PBRM1: variants seen among roughly 807,000 people sequenced by gnomAD.
The protein encoded by PBRM1 is polybromo 1.
In PBRM1, 27 loss-of-function variants were observed where a neutral mutation model predicts 194.5. The ratio of observed to expected loss-of-function variants is 0.14; its 90% CI spans 0.10 to 0.19. The LOEUF (loss-of-function observed/expected upper bound fraction) is 0.19, where lower values mean the gene tolerates loss of function less well. PBRM1 is among the 10% of genes least tolerant of loss of function. The pLI is 1.00. For synonymous variants in PBRM1, 655 were observed against 693.2 expected (o/e 0.94, Z 0.87); for missense variants, 1,466 against 2,077.2 (o/e 0.71, Z 5.72).
At chr3:52,550,843 G>A (rs1204968087) in intron 27 of PBRM1, 26 bp from the exon 30 acceptor site, 1 of 1,484,600 alleles carries the variant, frequency 6.7e-7, no homozygotes, top group South Asian at 1.1e-5. Context: ...CAATGGCACA[G>A]TTAGAGGCTC....
chr3:52,565,372 G>A (rs1371847398), intron 22 of PBRM1, among the ~76,000 whole-genome samples: 2 of 151,906 alleles, frequency 1.3e-5, no homozygotes, highest in East Asian at 3.9e-4. Flanking sequence ...GCTGGGCTTG[G>A]TGGTGCGCTC....
chr3:52,645,901 A>T (rs1312765037), intron 7 of PBRM1, among the ~76,000 whole-genome samples: 1 of 152,240 alleles, frequency 6.6e-6, no homozygotes, highest in African/African-American at 2.4e-5. Flanking sequence ...ATACGAAAGC[A>T]AAACCGCAGA....
At chr3:52,576,501 T>A in intron 22 of PBRM1, 40 bp downstream of exon 24, 1 of 1,521,704 alleles carries the variant, frequency 6.6e-7, no homozygotes, top group Admixed American at 2.0e-5. Flanking sequence ...TCAATTTTGA[T>A]GGAATAAACA....
chr3:52,639,307 T>G (rs1009254614), intron 10 of PBRM1, among the ~76,000 whole-genome samples: 1 of 152,174 alleles, frequency 6.6e-6, no homozygotes, highest in Non-Finnish European at 1.5e-5. Flanking sequence ...AAACTCTGTA[T>G]GCTCTCCTCC....
chr3:52,606,367 G>C (rs1576598524), intron 16 of PBRM1, among the ~76,000 whole-genome samples: 1 of 152,146 alleles, frequency 6.6e-6, no homozygotes, highest in South Asian at 2.1e-4. Context: ...CTGTTCACTT[G>C]AAATTAAAGT....
chr3:52,665,072 G>A (rs1428712188), intron 3 of PBRM1, among the ~76,000 whole-genome samples: 1 of 152,122 alleles, frequency 6.6e-6, no homozygotes, highest in African/African-American at 2.4e-5. Flanking sequence ...AATCATACTG[G>A]CGGATGACTT....
intron 6 of PBRM1, among the ~76,000 whole-genome samples, chr3:52,650,712 G>A (rs1006368057): frequency 1.3e-5 from 2 of 152,110 alleles, no homozygotes; most frequent in African/African-American, 4.8e-5. Flanking sequence ...CAACCTCTAT[G>A]ACTCTGCAAA....
At chr3:52,620,237 A>C (rs552868998) in intron 13 of PBRM1, among the ~76,000 whole-genome samples, 1 of 152,340 alleles carries the variant, frequency 6.6e-6, no homozygotes, top group South Asian at 2.1e-4. Flanking sequence ...TTTAACCTTC[A>C]GGAAGTCTCT....
At chr3:52,646,205 G>T (rs939089978) in intron 7 of PBRM1, among the ~76,000 whole-genome samples, 49 of 152,136 alleles carry the variant, frequency 3.2e-4, no homozygotes, top group Non-Finnish European at 5.4e-4. Flanking sequence ...TTTCTTAAAA[G>T]ATGAAAAATA....
chr3:52,661,756 G>T (rs537233143), intron 4 of PBRM1, among the ~76,000 whole-genome samples: 9 of 152,294 alleles, frequency 5.9e-5, no homozygotes, highest in African/African-American at 2.2e-4. Context: ...CTAACCTACA[G>T]AAATATTCCT....
At chr3:52,683,053 A>T (rs2097235779), upstream of PBRM1, among the ~76,000 whole-genome samples, 1 of 151,718 alleles carries the variant, frequency 6.6e-6, no homozygotes, top group South Asian at 2.1e-4. Flanking sequence ...TACAAAAAAA[A>T]TTGGCTGGGC....
At chr3:52,557,308 T>C (rs146927757) in intron 26 of PBRM1, among the ~76,000 whole-genome samples, 3 of 152,346 alleles carry the variant, frequency 2.0e-5, no homozygotes, top group African/African-American at 4.8e-5. Flanking sequence ...AAAGTTATCC[T>C]ATGCTACTCT....
chr3:52,563,237 A>G (rs2084132927), intron 24 of PBRM1, 46 bp downstream of exon 26: 2 of 1,497,870 alleles, frequency 1.3e-6, no homozygotes, highest in Non-Finnish European at 1.8e-6. Context: ...TCTGCTGCAA[A>G]CCAAAGGTGG....
At chr3:52,572,445 G>A (rs1439489145) in intron 22 of PBRM1, among the ~76,000 whole-genome samples, 6 of 152,014 alleles carry the variant, frequency 3.9e-5, no homozygotes, top group Non-Finnish European at 8.8e-5. Flanking sequence ...TGATCTCAGC[G>A]CACTGCAACC....
chr3:52,632,591 T>C (rs1343392075), intron 11 of PBRM1, among the ~76,000 whole-genome samples: 1 of 151,790 alleles, frequency 6.6e-6, no homozygotes, highest in Non-Finnish European at 1.5e-5. Context: ...AATTTGATAT[T>C]GGGAGGTATG....
intron 5 of PBRM1, among the ~76,000 whole-genome samples, chr3:52,655,449 T>C (rs1404335686): frequency 6.6e-6 from 1 of 152,200 alleles, no homozygotes; most frequent in African/African-American, 2.4e-5. Flanking sequence ...TATGTATATG[T>C]CACATATACA....
chr3:52,667,607 G>A (rs2096865413), intron 3 of PBRM1, among the ~76,000 whole-genome samples: 2 of 151,822 alleles, frequency 1.3e-5, no homozygotes, highest in South Asian at 4.2e-4. Context: ...ACAAAAATTA[G>A]CCAGGCATGG....
intron 29 of PBRM1, among the ~76,000 whole-genome samples, chr3:52,549,845 C>T (rs2080440839): frequency 6.6e-6 from 1 of 151,332 alleles, no homozygotes; most frequent in South Asian, 2.1e-4. Context: ...TCGGAGGTTG[C>T]AGTAAGTCGA....
intron 22 of PBRM1, among the ~76,000 whole-genome samples, chr3:52,566,541 A>G (rs1355240033): frequency 6.6e-6 from 1 of 152,212 alleles, no homozygotes; most frequent in Non-Finnish European, 1.5e-5. Flanking sequence ...TAGGCTAAGT[A>G]AAATAGGCCA....
Sources: gnomAD v4.1 joint callset for allele counts (sites outside exome capture counted in the v4.1 genomes callset) on GRCh38, gnomAD v4.1.1 for gene constraint, MANE v1.5 for transcripts, NCBI Gene and HGNC (gene_info 2026-07-23, HGNC 2026-07-21) for gene names.